The following OPN3 variants were observed in gnomAD, a reference collection of about 807,000 sequenced individuals.
OPN3 encodes the protein opsin 3, also known as opsin-3.
OPN3 carries 29 observed loss-of-function variants against 33.8 expected under a neutral mutation model. That is an observed-to-expected ratio of 0.86 (90% CI 0.64 to 1.17). The LOEUF is 1.17. Among genes scored for constraint, OPN3 ranks in the 50% most tolerant of loss-of-function variants. The pLI, the probability that OPN3 is intolerant of heterozygous loss-of-function variation, is 0.00. For synonymous variants in OPN3, 216 were observed against 216.1 expected (o/e 1.00, Z 0.00); for missense variants, 437 against 514.1 (o/e 0.85, Z 1.45).
intron 1 of OPN3, among the ~76,000 whole-genome samples, chr1:241,612,940 C>T (rs1664035343): frequency 6.6e-6 from 1 of 152,158 alleles, no homozygotes; most frequent in South Asian, 2.1e-4. Context: ...AGGGTCTCCT[C>T]CATCTCATCG....
chr1:241,609,339 G>T (rs1360102357), intron 1 of OPN3, among the ~76,000 whole-genome samples: 1 of 152,174 alleles, frequency 6.6e-6, no homozygotes, highest in African/African-American at 2.4e-5. Context: ...CCACCAACAG[G>T]TGGTGGAGAC....
chr1:241,595,166 A>G (rs1489129599), intron 3 of OPN3: 2 of 152,886 alleles, frequency 1.3e-5, no homozygotes, highest in South Asian at 2.1e-4. Flanking sequence ...TTTTTTTTCT[A>G]TCGAAATTAC....
chr1:241,616,337 G>C (rs1024408431), intron 1 of OPN3, among the ~76,000 whole-genome samples: 1 of 151,916 alleles, frequency 6.6e-6, no homozygotes, highest in Non-Finnish European at 1.5e-5. Flanking sequence ...AGCTCCCTTC[G>C]CATAGCATGC....
chr1:241,602,682 C>T (rs1209959895), intron 2 of OPN3, among the ~76,000 whole-genome samples: 1 of 151,962 alleles, frequency 6.6e-6, no homozygotes, highest in Non-Finnish European at 1.5e-5. Context: ...AAAGAGCAAG[C>T]TTTCTGGTGT....
At chr1:241,623,596 C>T (rs1231790108) in intron 1 of OPN3, among the ~76,000 whole-genome samples, 2 of 152,222 alleles carry the variant, frequency 1.3e-5, no homozygotes, top group Admixed American at 1.3e-4. Context: ...AATCCATTTG[C>T]TTTTCCTCAA....
At chr1:241,615,876 T>C (rs992774880) in intron 1 of OPN3, 1 of 456,614 alleles carries the variant, frequency 2.2e-6, no homozygotes, top group African/African-American at 2.0e-5. Context: ...AGTGCCTTGC[T>C]GCACTGGACC....
chr1:241,633,757 T>C lies in OPN3; in HGVS notation c.373+6125A>G, dbSNP rs775034492. On this transcript the variant is annotated intron_variant, in intron 1 of 3. Coordinates refer to ENST00000366554, the MANE Select transcript of OPN3 (RefSeq NM_014322.3). ...TTTAAATGAGAAAATTCTGATGCCA[T>C]GAAGGAGGTCCAAAACAGCATTTCG... is the stretch of plus-strand genomic sequence containing the variant. 3.1e-6 allele frequency: 5 copies of C among 1,605,400 alleles called. No homozygotes were observed. The South Asian group carries it at 4.5e-5, about 14-fold the overall frequency.
rs986674282 is a variant in OPN3 at position 241,603,396 on chromosome 1, T to C, written c.693+864A>G. On this transcript the variant is annotated intron_variant, in intron 2 of 3. Transcript: ENST00000366554. ...TGTAATAGTCACAGTGTGGAGACAGTAGACCACACATACAGGGATAGAAAG... is the reference window on the plus strand; with the variant it reads ...TGTAATAGTCACAGTGTGGAGACAGCAGACCACACATACAGGGATAGAAAG... Among the ~76,000 whole-genome samples the C allele has an allele frequency of 1.2e-3, 183 of 152,018 alleles. 4 individuals are homozygous for C. The highest frequency in any genetic ancestry group is 1.0e-4 in the Non-Finnish European group (7 of 68,010).
intron 1 of OPN3, among the ~76,000 whole-genome samples, chr1:241,611,990 G>A (rs965344953): frequency 2.6e-5 from 4 of 152,180 alleles, no homozygotes; most frequent in African/African-American, 7.2e-5. Flanking sequence ...ATTTAAGGAA[G>A]TTAATCTTTG....
At chr1:241,631,993 TTTC>T (rs1016380884) in intron 1 of OPN3, 13 of 152,142 alleles carry the variant, frequency 8.5e-5, no homozygotes, top group Non-Finnish European at 1.6e-4. Context: ...AATTCTCTTA[TTTC>T]TTCTTTGAAG....
At chr1:241,639,772 C>CGAGCGGGAAGCG in intron 1 of OPN3, 110 bp downstream of exon 1, 1 of 1,017,936 alleles carries the variant, frequency 9.8e-7, no homozygotes. Context: ...GGCGCGGGGC[C>CGAGCGGGAAGCG]GAGCGGGAAG....
intron 1 of OPN3, chr1:241,634,511 T>C: frequency 1.2e-6 from 2 of 1,613,942 alleles, no homozygotes; most frequent in Non-Finnish European, 1.7e-6. Flanking sequence ...TATAATTGCT[T>C]TACATCGTCC....
intron 1 of OPN3, among the ~76,000 whole-genome samples, chr1:241,615,008 C>T (rs946216900): frequency 1.3e-5 from 2 of 152,114 alleles, no homozygotes; most frequent in African/African-American, 2.4e-5. Flanking sequence ...TGCCTCTGCT[C>T]GTCAGGAAAG....
intron 2 of OPN3, 79 bp downstream of exon 2, chr1:241,604,181 A>C (rs1327761042): frequency 7.6e-6 from 10 of 1,320,368 alleles, no homozygotes; most frequent in African/African-American, 1.5e-5. Flanking sequence ...TGACATAGGA[A>C]GACTTTCATT....
In OPN3 at chr1:241,604,113, T is replaced by C. The variant is rs539971870; in HGVS notation, c.693+147A>G. The stretch of plus-strand genomic sequence containing the variant: ...TCTTTCCAGAGAGTGACTCATAGCA[T>C]AAAATTCAACCAGATGGGAAGTCCC... On this transcript the variant is annotated intron_variant, in intron 2 of 3. Transcript: ENST00000366554. The C allele has an allele frequency of 1.9e-5, 13 of 670,768 alleles. No homozygotes were observed. In the East Asian group the frequency reaches 3.2e-4, roughly 16 times the overall value. The allele number at this position is 670,768 out of a possible 1,614,324, so 41.6% of individuals were successfully genotyped here.
At chr1:241,623,712 T>C (rs1019170222) in intron 1 of OPN3, among the ~76,000 whole-genome samples, 1 of 152,220 alleles carries the variant, frequency 6.6e-6, no homozygotes, top group African/African-American at 2.4e-5. Flanking sequence ...TGTAGACATT[T>C]TCCAAATCCT....
At chr1:241,638,095 A>C (rs581510) in intron 1 of OPN3, among the ~76,000 whole-genome samples, 55,239 of 151,784 alleles carry the variant, frequency 0.36, 10,344 homozygotes, top group East Asian at 0.53. Context: ...CTTGCCCCCC[A>C]GGGCTTAAGT....
chr1:241,619,089 C>T (rs969336402), intron 1 of OPN3, among the ~76,000 whole-genome samples: 2 of 152,030 alleles, frequency 1.3e-5, no homozygotes, highest in African/African-American at 2.4e-5. Flanking sequence ...TCATTCTTCA[C>T]GGATCTTTCT....
chr1:241,635,256 C>T (rs775707368), intron 1 of OPN3: 3 of 1,613,940 alleles, frequency 1.9e-6, no homozygotes, highest in South Asian at 1.1e-5. Context: ...TCCTCTACAT[C>T]AGTTACTTCT....
Sources: gnomAD v4.1 joint callset for allele counts (sites outside exome capture counted in the v4.1 genomes callset) on GRCh38, gnomAD v4.1.1 for gene constraint, MANE v1.5 for transcripts, NCBI Gene and HGNC (gene_info 2026-07-23, HGNC 2026-07-21) for gene names.